SPINK5: variants seen among roughly 807,000 people sequenced by gnomAD.
The protein encoded by SPINK5 is serine peptidase inhibitor Kazal type 5.
Under a neutral mutation model 151.8 loss-of-function variants are expected in SPINK5, and 125 were observed. The ratio of observed to expected loss-of-function variants is 0.82; its 90% CI spans 0.71 to 0.96. The LOEUF is 0.96. SPINK5 is among the 40% of genes least tolerant of loss of function. SPINK5 has a pLI of 0.00. For missense variants in SPINK5, 1,194 were observed against 1,291.9 expected, an observed-to-expected ratio of 0.92 and a Z score of 1.16; for synonymous variants, 374 against 395.3, an observed-to-expected ratio of 0.95 and a Z score of 0.64.
chr5:148,102,248 G>A (rs572994896), intron 15 of SPINK5, among the ~76,000 whole-genome samples: 1 of 152,230 alleles, frequency 6.6e-6, no homozygotes, highest in East Asian at 1.9e-4. Context: ...TGGGAATGAG[G>A]AAATGTTAAT....
intron 2 of SPINK5, among the ~76,000 whole-genome samples, chr5:148,069,861 T>C (rs1171505193): frequency 1.3e-5 from 2 of 152,116 alleles, no homozygotes; most frequent in African/African-American, 4.8e-5. Context: ...GAAATCCTTT[T>C]TTCATTTAAC....
At position 148,086,444 on chromosome 5, in the gene SPINK5, G is replaced by C; in HGVS notation, c.322G>C (p.Asp108His). 4 of 1,611,726 alleles carry C rather than the reference G, an allele frequency of 2.5e-6. No homozygotes were observed. Among genetic ancestry groups the C allele is most frequent in the Non-Finnish European group, 3.4e-6 (4 of 1,178,668 alleles). ...TTTTAAAAAAGGAGAAAGAGATGGGGATTTTATCTGTCCTGATTATTATGA... is the reference window on the plus strand; with the variant it reads ...TTTTAAAAAAGGAGAAAGAGATGGGCATTTTATCTGTCCTGATTATTATGA... ...DDFKKGERDG[D>H]FICPDYYEAV... The change falls in exon 5 of 33, where the codon GAT (aspartate) becomes CAT (histidine). Residue 108 changes from aspartate (D) to histidine (H), a missense_variant. Transcript: ENST00000256084.
At chr5:148,073,814 T>TCACACACA (rs67549762) in intron 4 of SPINK5, among the ~76,000 whole-genome samples, 34 of 113,812 alleles carry the variant, frequency 3.0e-4, no homozygotes, top group African/African-American at 1.0e-3. Context: ...TATGCCTGAG[T>TCACACACA]CACACACACA....
At chr5:148,103,680 C>T (rs550743622) in intron 15 of SPINK5, among the ~76,000 whole-genome samples, 1 of 151,942 alleles carries the variant, frequency 6.6e-6, no homozygotes, top group Non-Finnish European at 1.5e-5. Context: ...AAGAAATAAC[C>T]TTTATCACCT....
chr5:148,082,089 T>C (rs1331923036), intron 4 of SPINK5, among the ~76,000 whole-genome samples: 1 of 151,722 alleles, frequency 6.6e-6, no homozygotes, highest in Non-Finnish European at 1.5e-5. Context: ...TCAATATTTA[T>C]ATGGTAGTTT....
Position 148,119,148 on chromosome 5 carries a change from C to T in SPINK5, c.2313+90C>T, listed in dbSNP as rs575674695. The T allele has an allele frequency of 7.1e-6, 9 of 1,271,982 alleles. No individual in the cohort carries two copies. In the South Asian group the frequency reaches 1.1e-4, roughly 15 times the overall value. The allele number at this position is 1,271,982 out of a possible 1,614,324, so 78.8% of individuals were successfully genotyped here. A position where few individuals can be genotyped will look rare whatever the true frequency, so the allele number is the denominator to read the frequency against. On this transcript the variant is annotated intron_variant, in intron 24 of 32. Coordinates refer to ENST00000256084, the MANE Select transcript of SPINK5 (RefSeq NM_006846.4). The stretch of plus-strand genomic sequence containing the variant: ...CTATAGAAGAAGGTGTCAACATGAT[C>T]AAGCTAGAGCTTGCCCTTAGAAGGT...
chr5:148,086,338 CTATT>C (rs1753152443), intron 4 of SPINK5, 63 bp from the exon 5 acceptor site: 8 of 1,578,028 alleles, frequency 5.1e-6, no homozygotes, highest in Non-Finnish European at 6.9e-6. Flanking sequence ...AAATGTTAAT[CTATT>C]TATACATCTA....
chr5:148,114,828 T>A (rs1293785181), intron 21 of SPINK5, among the ~76,000 whole-genome samples: 3 of 152,196 alleles, frequency 2.0e-5, no homozygotes, highest in Non-Finnish European at 2.9e-5. Context: ...ACACACAGAT[T>A]TTAATGTCAA....
At chr5:148,116,334 T>A (rs768189253) in intron 21 of SPINK5, 36 bp from the exon 22 acceptor site, 8 of 1,603,074 alleles carry the variant, frequency 5.0e-6, no homozygotes, top group Middle Eastern at 3.3e-4. Flanking sequence ...CTCTCTGTAA[T>A]CTATTGTTCC....
intron 32 of SPINK5, among the ~76,000 whole-genome samples, chr5:148,134,449 A>G (rs1482817649): frequency 6.6e-6 from 1 of 152,210 alleles, no homozygotes; most frequent in Non-Finnish European, 1.5e-5. Flanking sequence ...ATTTTCAAAT[A>G]AGAGAAAAAT....
Position 148,124,765 on chromosome 5 carries a change from T to C in SPINK5, c.2667T>C (p.Phe889=). 3 of 1,598,632 alleles carry C rather than the reference T, an allele frequency of 1.9e-6. No individual in the cohort carries two copies. Among genetic ancestry groups the C allele is most frequent in the South Asian group, 1.1e-5 (1 of 88,712 alleles). The part of the protein sequence containing the change: ...INKCAMCQSI[F]DREANERKKK... ...ATCTTTTTTTTTAATTATTCTGCAG[T>C]GATCGAGAAGCTAATGAAAGAAAAA... Residue 889 remains phenylalanine, a splice_region_variant and synonymous_variant, in exon 28 of 33, where the codon TTT becomes TTC. Transcript: ENST00000256084.
At chr5:148,093,466 G>T (rs1357041844) in intron 8 of SPINK5, among the ~76,000 whole-genome samples, 1 of 151,806 alleles carries the variant, frequency 6.6e-6, no homozygotes. Context: ...TACAATGTCA[G>T]AAATTATTAT....
At chr5:148,121,563 C>A (rs970352595) in intron 26 of SPINK5, among the ~76,000 whole-genome samples, 1 of 151,546 alleles carries the variant, frequency 6.6e-6, no homozygotes, top group Admixed American at 6.6e-5. Context: ...TATTTAAAAT[C>A]TTGGTAAATT....
chr5:148,113,509 G>A (rs922068081), intron 20 of SPINK5, among the ~76,000 whole-genome samples: 4 of 152,064 alleles, frequency 2.6e-5, no homozygotes, highest in Admixed American at 6.6e-5. Flanking sequence ...TGCTTTACCT[G>A]TGGTTATATT....
intron 19 of SPINK5, 61 bp downstream of exon 19, chr5:148,111,956 A>C: frequency 6.2e-7 from 1 of 1,612,978 alleles, no homozygotes; most frequent in East Asian, 2.2e-5. Context: ...TCGGGTGGGC[A>C]AGAGGGGTGA....
chr5:148,065,511 C>T, intron 2 of SPINK5, 139 bp downstream of exon 2: 2 of 879,912 alleles, frequency 2.3e-6, no homozygotes, highest in South Asian at 1.5e-5. Flanking sequence ...AACACAGAAA[C>T]AGATTTTTAT....
At chr5:148,073,262 G>A (rs1371008347) in intron 4 of SPINK5, among the ~76,000 whole-genome samples, 1 of 151,784 alleles carries the variant, frequency 6.6e-6, no homozygotes, top group Non-Finnish European at 1.5e-5. Flanking sequence ...TAACATCCAT[G>A]GTCTAACAAC....
chr5:148,094,548 A>G, intron 9 of SPINK5, 67 bp downstream of exon 9: 5 of 1,609,026 alleles, frequency 3.1e-6, no homozygotes, highest in Admixed American at 1.7e-5. Context: ...TGGATTGATG[A>G]GTAAAAATAA....
chr5:148,083,199 T>C (rs1003681577), intron 4 of SPINK5, among the ~76,000 whole-genome samples: 1 of 151,584 alleles, frequency 6.6e-6, no homozygotes, highest in African/African-American at 2.4e-5. Flanking sequence ...TTGTCACTTA[T>C]GATACATTTT....
Sources: gnomAD v4.1 joint callset for allele counts (sites outside exome capture counted in the v4.1 genomes callset) on GRCh38, gnomAD v4.1.1 for gene constraint, MANE v1.5 for transcripts, NCBI Gene and HGNC (gene_info 2026-07-23, HGNC 2026-07-21) for gene names.